The following MCC variants were observed in gnomAD, a reference collection of about 807,000 sequenced individuals.
MCC encodes MCC regulator of Wnt signaling pathway.
Under a neutral mutation model 116.2 loss-of-function variants are expected in MCC, and 90 were observed. That is an observed-to-expected ratio of 0.77 (90% CI 0.65 to 0.92). The LOEUF is 0.92. MCC is among the 40% of genes least tolerant of loss of function. The pLI, the probability that MCC is intolerant of heterozygous loss-of-function variation, is 0.00. For missense variants in MCC, 1,516 were observed against 1,312.2 expected, an observed-to-expected ratio of 1.16 and a Z score of -2.40; for synonymous variants, 578 against 510.5, an observed-to-expected ratio of 1.13 and a Z score of -1.78.
rs764014760 is a variant in MCC, at chr5:113,043,680, AC to A, written c.2656-51del. The A allele has an allele frequency of 5.0e-6, 7 of 1,395,004 alleles. No homozygotes were observed. The African/African-American group carries it at 8.5e-5, about 17-fold the overall frequency. 86.4% of individuals were successfully genotyped at this position (1,395,004 alleles called of 1,614,324 possible). A position where few individuals can be genotyped will look rare whatever the true frequency, so the allele number is the denominator to read the frequency against. On this transcript the variant is annotated intron_variant, in intron 16 of 18. Coordinates refer to ENST00000408903, the MANE Select transcript of MCC (RefSeq NM_001085377.2). The stretch of plus-strand genomic sequence containing the variant: ...TTAGGCCTGAATCCAAGCCGGCAGC[AC>A]CCTGGAAGCCTGCAGCAGAGCGCGG...
intron 3 of MCC, among the ~76,000 whole-genome samples, chr5:113,205,026 G>A (rs1176253970): frequency 2.6e-5 from 4 of 152,220 alleles, no homozygotes; most frequent in African/African-American, 9.6e-5. Context: ...CAAAGCCACA[G>A]ATAATTCCAT....
chr5:113,423,685 GTGACGTTCATAACAGGAGAATGAGT>G (rs1192619525), intron 1 of MCC, among the ~76,000 whole-genome samples: 1 of 152,152 alleles, frequency 6.6e-6, no homozygotes, highest in African/African-American at 2.4e-5. Context: ...GTGAATGCAG[GTGACGTTCATAACAGGAGAATGAGT>G]TGAAGGTGTG....
intron 3 of MCC, among the ~76,000 whole-genome samples, chr5:113,325,532 G>A (rs1352484845): frequency 6.8e-6 from 1 of 148,066 alleles, no homozygotes; most frequent in Admixed American, 6.9e-5. Context: ...AGACTTCCCT[G>A]CAAAGTCTTT....
At chr5:113,059,145 T>TAAA (rs113689471) in intron 14 of MCC, among the ~76,000 whole-genome samples, 2 of 149,740 alleles carry the variant, frequency 1.3e-5, no homozygotes, top group Non-Finnish European at 1.5e-5. Flanking sequence ...AGGAAGGAAA[T>TAAA]AAAAAAAAAA....
At chr5:113,152,164 G>A (rs148072003) in intron 3 of MCC, among the ~76,000 whole-genome samples, 1 of 152,308 alleles carries the variant, frequency 6.6e-6, no homozygotes, top group East Asian at 1.9e-4. Flanking sequence ...ACTGGAGTTA[G>A]AAAGAATGTT....
chr5:113,279,750 A>G (rs1765964267), intron 3 of MCC, among the ~76,000 whole-genome samples: 1 of 152,242 alleles, frequency 6.6e-6, no homozygotes, highest in Admixed American at 6.5e-5. Context: ...ATCAATGGAC[A>G]ATATACATTT....
chr5:113,407,637 T>G (rs1484688586), intron 1 of MCC, among the ~76,000 whole-genome samples: 1 of 152,206 alleles, frequency 6.6e-6, no homozygotes, highest in Non-Finnish European at 1.5e-5. Flanking sequence ...TTTTTAAAAA[T>G]TTTTATTTTG....
intron 5 of MCC, among the ~76,000 whole-genome samples, chr5:113,125,310 T>C (rs893394274): frequency 6.6e-6 from 1 of 152,136 alleles, no homozygotes; most frequent in Admixed American, 6.5e-5. Flanking sequence ...ATTCCAGCTA[T>C]GGTAATCATT....
chr5:113,357,904 A>T (rs1259192987), intron 2 of MCC, among the ~76,000 whole-genome samples: 1 of 152,216 alleles, frequency 6.6e-6, no homozygotes, highest in Non-Finnish European at 1.5e-5. Context: ...TGCACACTTG[A>T]ATCTCTCAAG....
intron 1 of MCC, among the ~76,000 whole-genome samples, chr5:113,441,784 A>G (rs745922103): frequency 6.6e-6 from 1 of 152,186 alleles, no homozygotes; most frequent in Non-Finnish European, 1.5e-5. Context: ...TCATTTGCTG[A>G]GAATGACGGT....
intron 2 of MCC, among the ~76,000 whole-genome samples, chr5:113,375,721 G>A (rs1458300301): frequency 6.6e-6 from 1 of 152,202 alleles, no homozygotes; most frequent in Non-Finnish European, 1.5e-5. Flanking sequence ...TAGTCCAGAT[G>A]TTCTTTCATG....
chr5:113,400,529 A>G (rs1207952901), intron 1 of MCC, among the ~76,000 whole-genome samples: 1 of 152,186 alleles, frequency 6.6e-6, no homozygotes, highest in African/African-American at 2.4e-5. Context: ...GTAAATTAAC[A>G]TTTGGTATTA....
At chr5:113,037,341 G>C (rs915612954) in intron 17 of MCC, among the ~76,000 whole-genome samples, 2 of 152,144 alleles carry the variant, frequency 1.3e-5, no homozygotes, top group Admixed American at 6.6e-5. Context: ...GAGGAGTCTC[G>C]CTGGCTTTTT....
At chr5:113,221,011 T>G (rs1168499598) in intron 3 of MCC, among the ~76,000 whole-genome samples, 1 of 152,202 alleles carries the variant, frequency 6.6e-6, no homozygotes, top group South Asian at 2.1e-4. Context: ...AAGACCAGCC[T>G]GGGCAGCATG....
intron 16 of MCC, among the ~76,000 whole-genome samples, chr5:113,044,279 G>A (rs901144716): frequency 1.6e-4 from 25 of 152,158 alleles, no homozygotes; most frequent in African/African-American, 4.8e-4. Flanking sequence ...CCACCCCATG[G>A]CTTAGCATTA....
intron 2 of MCC, among the ~76,000 whole-genome samples, chr5:113,374,142 C>G (rs1768915289): frequency 6.6e-6 from 1 of 152,152 alleles, no homozygotes; most frequent in East Asian, 1.9e-4. Context: ...ATCTGACCAC[C>G]TCGGCCTCCC....
At chr5:113,113,763 T>G (rs558441591) in intron 6 of MCC, among the ~76,000 whole-genome samples, 1 of 151,148 alleles carries the variant, frequency 6.6e-6, no homozygotes, top group African/African-American at 2.4e-5. Context: ...CCTGACGTCC[T>G]CAAAATGGCA....
At chr5:113,465,314 A>G (rs952454681) in intron 1 of MCC, among the ~76,000 whole-genome samples, 2 of 152,138 alleles carry the variant, frequency 1.3e-5, no homozygotes, top group African/African-American at 4.8e-5. Context: ...AGTAGGAAAA[A>G]TGGTTAACCA....
rs7703691 is a variant in MCC at position 113,471,398 on chromosome 5, C to T, written c.170+16847G>A. ...TAGTTTTCCTTCTAACAGACAGGAC[C>T]CTCAACTGCAGGTCTGTTGGAGTTT... On this transcript the variant is annotated intron_variant, in intron 1 of 18. Transcript: ENST00000408903. Among the ~76,000 whole-genome samples, 396 of 152,196 alleles carry T rather than the reference C, an allele frequency of 2.6e-3. 5 individuals are homozygous for T. Among genetic ancestry groups the T allele is most frequent in the African/African-American group, 8.9e-3 (371 of 41,526 alleles).
Sources: allele counts gnomAD v4.1 joint callset (sites outside exome capture counted in the v4.1 genomes callset), GRCh38; gene constraint gnomAD v4.1.1; transcripts MANE v1.5; gene names NCBI Gene and HGNC (gene_info 2026-07-23, HGNC 2026-07-21).